NRK: variants seen among roughly 807,000 people sequenced by gnomAD.
NRK encodes nik-related protein kinase.
NRK carries 67 observed loss-of-function variants against 125.2 expected under a neutral mutation model. The ratio of observed to expected loss-of-function variants is 0.54; its 90% CI spans 0.44 to 0.66. The LOEUF (loss-of-function observed/expected upper bound fraction) is 0.66. Among genes scored for constraint, NRK ranks in the 30% least tolerant of loss-of-function variants. NRK has a pLI of 0.00. For synonymous variants in NRK, 458 were observed against 429.0 expected, an observed-to-expected ratio of 1.07 and a Z score of -0.84; for missense variants, 1,224 against 1,192.9, an observed-to-expected ratio of 1.03 and a Z score of -0.38.
intron 8 of NRK, among the ~76,000 whole-genome samples, chrX:105,899,504 G>A (rs1237894251): frequency 1.8e-5 from 2 of 111,606 alleles, no homozygotes; most frequent in Non-Finnish European, 3.8e-5. Context: ...TATTATGTTC[G>A]GTGCTGTTAG....
rs5962590 is a variant in NRK at position 105,832,655 on chromosome X, A to G, written c.123+1536A>G. Among the ~76,000 whole-genome samples the G allele has an allele frequency of 5.1e-3, 570 of 110,923 alleles. 4 individuals are homozygous for G. The highest frequency in any genetic ancestry group is 0.018 in the African/African-American group (548 of 30,532). Reference sequence around the variant, plus strand: ...CCAAGTCTTGCAACTTTGGGACTACATCTACCCAGAGGGGCTTCTTTTCTT... The same window carrying G: ...CCAAGTCTTGCAACTTTGGGACTACGTCTACCCAGAGGGGCTTCTTTTCTT... On this transcript the variant is annotated intron_variant, in intron 2 of 28. Coordinates refer to ENST00000243300, the MANE Select transcript of NRK (RefSeq NM_198465.4).
chrX:105,858,641 A>G, intron 2 of NRK, among the ~76,000 whole-genome samples: 1 of 110,822 alleles, frequency 9.0e-6, no homozygotes, highest in Non-Finnish European at 1.9e-5. Flanking sequence ...GCATTGCACT[A>G]GTATCTGATT....
At chrX:105,917,511 A>G (rs1217847536) in intron 15 of NRK, 67 bp from the exon 16 acceptor site, 4 of 613,949 alleles carry the variant, frequency 6.5e-6, no homozygotes, top group Non-Finnish European at 9.6e-6. Flanking sequence ...GTTGGACTTT[A>G]TGTTGAGTTG....
intron 24 of NRK, among the ~76,000 whole-genome samples, chrX:105,944,904 A>G (rs1401458089): frequency 8.9e-6 from 1 of 111,994 alleles, no homozygotes; most frequent in Non-Finnish European, 1.9e-5. Context: ...CTGAACTTCT[A>G]TGGATAGGCC....
rs1569318513 is a variant in NRK, at chrX:105,939,855, A to G, written c.3800-19A>G. The G allele has an allele frequency of 9.8e-7, 1 of 1,018,030 alleles. No homozygotes were observed. Among genetic ancestry groups the G allele is most frequent in the Non-Finnish European group, 1.3e-6 (1 of 745,714 alleles). The allele number at this position is 1,018,030 out of a possible 1,213,427, so 83.9% of individuals were successfully genotyped here. A position where few individuals can be genotyped will look rare whatever the true frequency, so the allele number is the denominator to read the frequency against. On this transcript the variant is annotated intron_variant, in intron 22 of 28. Transcript: ENST00000243300. ...AAGAAAGACTGATTTTAAATACTGTATATTTTCTTATCTATCAGGTCATAA... is the reference window on the plus strand; with the variant it reads ...AAGAAAGACTGATTTTAAATACTGTGTATTTTCTTATCTATCAGGTCATAA...
chrX:105,904,674 T>C (rs2040198765), intron 9 of NRK, among the ~76,000 whole-genome samples: 1 of 111,820 alleles, frequency 8.9e-6, no homozygotes, highest in Non-Finnish European at 1.9e-5. Context: ...GAAACCAAGA[T>C]ACAGATAGGC....
intron 2 of NRK, among the ~76,000 whole-genome samples, chrX:105,852,541 A>G (rs2039485373): frequency 8.9e-6 from 1 of 111,926 alleles, no homozygotes; most frequent in Non-Finnish European, 1.9e-5. Flanking sequence ...CTTTGGTTGG[A>G]TAACTTGAGC....
In NRK at chrX:105,840,638, C is replaced by T. The variant is rs186988678; in HGVS notation, c.123+9519C>T. On this transcript the variant is annotated intron_variant, in intron 2 of 28. Transcript: ENST00000243300. ...CCTTAAAAATAGGCATACAAAATTG[C>T]CTGATTGCTGCTAAGCTTATATATT... Among the ~76,000 whole-genome samples, 320 of 110,583 alleles carry T rather than the reference C, an allele frequency of 2.9e-3. No homozygotes were observed. In the South Asian group the frequency reaches 0.044, roughly 15 times the overall value.
rs779091644 is a variant in NRK at position 105,882,252 on chromosome X, A to AC, written c.252+480dup. 3.6e-3 allele frequency among the ~76,000 whole-genome samples: 373 copies of AC among 104,651 alleles called. 11 individuals are homozygous for AC. The highest frequency in any genetic ancestry group is 0.033 in the Admixed American group (319 of 9,679). 90.9% of individuals were successfully genotyped at this position (104,651 alleles called of 115,157 possible). ...CAAATGAGGAATGCCCCACGTGCCC[A>AC]CCCCCCCGCTTTTTGTAAGAGCAAT... On this transcript the variant is annotated intron_variant, in intron 4 of 28. Transcript: ENST00000243300.
chrX:105,926,707 A>T (rs988364575), intron 19 of NRK, among the ~76,000 whole-genome samples: 1 of 111,064 alleles, frequency 9.0e-6, no homozygotes, highest in South Asian at 3.7e-4. Flanking sequence ...AGTCTTTTGC[A>T]TATGGATATT....
intron 2 of NRK, among the ~76,000 whole-genome samples, chrX:105,836,026 C>T (rs1156636979): frequency 4.5e-5 from 5 of 111,830 alleles, no homozygotes; most frequent in Middle Eastern, 4.6e-3. Flanking sequence ...TACCTGCTTC[C>T]GTTGTGACCT....
chrX:105,923,063 T>C, intron 17 of NRK, 55 bp from the exon 18 acceptor site: 1 of 1,066,259 alleles, frequency 9.4e-7, no homozygotes. Context: ...AACTTTCCAA[T>C]CTAGAAGAAA....
chrX:105,846,109 C>T (rs888452542), intron 2 of NRK, among the ~76,000 whole-genome samples: 3 of 111,049 alleles, frequency 2.7e-5, no homozygotes, highest in Non-Finnish European at 1.9e-5. Flanking sequence ...AATATAGGCC[C>T]AAGCCCCTAG....
intron 2 of NRK, among the ~76,000 whole-genome samples, chrX:105,833,342 A>T (rs748165115): frequency 1.9e-4 from 21 of 111,374 alleles, no homozygotes; most frequent in Non-Finnish European, 3.2e-4. Context: ...CACCTTATAC[A>T]TAGATACCTA....
chrX:105,896,700 G>A (rs1488831744), intron 7 of NRK, among the ~76,000 whole-genome samples: 1 of 110,401 alleles, frequency 9.1e-6, no homozygotes, highest in Non-Finnish European at 1.9e-5. Context: ...TTAATTAGCT[G>A]GGCATGGTGG....
intron 19 of NRK, among the ~76,000 whole-genome samples, chrX:105,926,836 C>T (rs2040530024): frequency 9.0e-6 from 1 of 110,959 alleles, no homozygotes; most frequent in Non-Finnish European, 1.9e-5. Flanking sequence ...TTTATGGGTC[C>T]TTTATACCGT....
At chrX:105,858,462 A>C (rs187874856) in intron 2 of NRK, among the ~76,000 whole-genome samples, 1 of 109,544 alleles carries the variant, frequency 9.1e-6, no homozygotes, top group Non-Finnish European at 1.9e-5. Context: ...ATAGATAACC[A>C]AAATGCTATA....
chrX:105,955,405 A>G, intron 28 of NRK, 100 bp from the exon 29 acceptor site: 1 of 476,218 alleles, frequency 2.1e-6, no homozygotes, highest in South Asian at 3.9e-5. Flanking sequence ...GTAAGGCTTA[A>G]TATCTTAATT....
At chrX:105,899,818 A>G (rs1380906580) in intron 8 of NRK, among the ~76,000 whole-genome samples, 1 of 110,618 alleles carries the variant, frequency 9.0e-6, no homozygotes, top group Non-Finnish European at 1.9e-5. Flanking sequence ...AATACAAAAA[A>G]TTAGCCAGGC....
Sources: gnomAD v4.1 joint callset for allele counts (sites outside exome capture counted in the v4.1 genomes callset) on GRCh38, gnomAD v4.1.1 for gene constraint, MANE v1.5 for transcripts, NCBI Gene and HGNC (gene_info 2026-07-23, HGNC 2026-07-21) for gene names.